GLDC: variants seen among roughly 807,000 people sequenced by gnomAD.
GLDC encodes glycine dehydrogenase (decarboxylating), mitochondrial.
In GLDC, 104 loss-of-function variants were observed where a neutral mutation model predicts 121.3. The ratio of observed to expected loss-of-function variants is 0.86; its 90% CI spans 0.73 to 1.01. GLDC has a LOEUF of 1.01. Ranked by LOEUF, GLDC falls within the 50% of genes least tolerant of loss-of-function variation. GLDC has a pLI of 0.00. For missense variants in GLDC, 1,429 were observed against 1,306.6 expected (o/e 1.09, Z -1.44); for synonymous variants, 546 against 480.6 (o/e 1.14, Z -1.78).
At chr9:6,604,331 A>G (rs1818686550) in intron 7 of GLDC, among the ~76,000 whole-genome samples, 1 of 152,206 alleles carries the variant, frequency 6.6e-6, no homozygotes, top group Non-Finnish European at 1.5e-5. Context: ...GCGTCCATCA[A>G]TCTAAGCAAA....
chr9:6,596,395 T>C (rs1191104667), intron 8 of GLDC, among the ~76,000 whole-genome samples: 2 of 152,020 alleles, frequency 1.3e-5, no homozygotes, highest in Non-Finnish European at 2.9e-5. Flanking sequence ...ACCAAAAAAA[T>C]TAAAATAGAG....
At chr9:6,546,705 T>C (rs1214626621) in intron 21 of GLDC, among the ~76,000 whole-genome samples, 1 of 151,926 alleles carries the variant, frequency 6.6e-6, no homozygotes, top group Admixed American at 6.6e-5. Context: ...CTCACGCCTG[T>C]AATCCCAGCA....
intron 7 of GLDC, 131 bp from the exon 8 acceptor site, chr9:6,602,336 G>C (rs1563855468): frequency 2.9e-6 from 2 of 684,594 alleles, no homozygotes; most frequent in African/African-American, 3.6e-5. Flanking sequence ...AATTTATAAA[G>C]AAACAATTTC....
chr9:6,634,094 T>G (rs1819449283), intron 2 of GLDC, among the ~76,000 whole-genome samples: 1 of 151,900 alleles, frequency 6.6e-6, no homozygotes, highest in Non-Finnish European at 1.5e-5. Context: ...CCTCCCAAAG[T>G]GCTGGGATTA....
chr9:6,578,692 AC>A (rs529575703), intron 15 of GLDC, among the ~76,000 whole-genome samples: 3 of 151,996 alleles, frequency 2.0e-5, no homozygotes, highest in Non-Finnish European at 4.4e-5. Flanking sequence ...GGTGCTTGCC[AC>A]CATGCTAGGC....
chr9:6,568,741 TG>T (rs1377306054), intron 15 of GLDC: 1 of 151,974 alleles, frequency 6.6e-6, no homozygotes, highest in African/African-American at 2.4e-5. Flanking sequence ...CCAGACTACT[TG>T]GGAGGCTGAA....
intron 18 of GLDC, among the ~76,000 whole-genome samples, chr9:6,555,728 G>A (rs936565607): frequency 6.6e-6 from 1 of 152,116 alleles, no homozygotes; most frequent in African/African-American, 2.4e-5. Context: ...GGAGGTGGAG[G>A]TTGCAGTGAG....
At chr9:6,542,885 CAAAAAAAAAAA>C (rs5896153) in intron 21 of GLDC, among the ~76,000 whole-genome samples, 1,515 of 61,540 alleles carry the variant, frequency 0.025, 38 homozygotes, top group South Asian at 0.15. Flanking sequence ...GACCTTTTCT[CAAAAAAAAAAA>C]AAAAAAAAAA....
chr9:6,633,821 C>CTTTTTTTTTTTTTTTT (rs1156711956), intron 2 of GLDC, among the ~76,000 whole-genome samples: 2 of 89,458 alleles, frequency 2.2e-5, no homozygotes, highest in African/African-American at 5.0e-5. Context: ...GCAGGAGAAT[C>CTTTTTTTTTTTTTTTT]TTTTTTTTTT....
chr9:6,606,559 T>C (rs1818737553), intron 5 of GLDC, 33 bp downstream of exon 5: 1 of 1,202,348 alleles, frequency 8.3e-7, no homozygotes, highest in Non-Finnish European at 1.2e-6. Flanking sequence ...CATGACATTA[T>C]ACTGAGTTTA....
intron 15 of GLDC, among the ~76,000 whole-genome samples, chr9:6,580,771 G>A (rs1278995135): frequency 2.0e-5 from 3 of 152,132 alleles, no homozygotes; most frequent in Admixed American, 6.5e-5. Flanking sequence ...GATCCTACCT[G>A]CCTATCAGTC....
In GLDC at chr9:6,610,320, A is replaced by G; in HGVS notation, c.507T>C (p.Ser169=). ...TGAGTAAACTCTCCAGCCTCCCCTGAGACACCTCAGGCTGGTATGGAGTAT... is the reference window on the plus strand; with the variant it reads ...TGAGTAAACTCTCCAGCCTCCCCTGGGACACCTCAGGCTGGTATGGAGTAT... ...TQYTPYQPEV[S]QGRLESLLNY... is the part of the protein sequence containing the mutation. The change falls in exon 4 of 25, where the codon TCT becomes TCC. Residue 169 remains serine, a synonymous_variant. Transcript: ENST00000321612. The G allele has an allele frequency of 6.2e-7, 1 of 1,613,958 alleles. No homozygotes were observed. The highest frequency in any genetic ancestry group is 8.5e-7 in the Non-Finnish European group (1 of 1,179,836).
rs779129201 is a variant in GLDC at position 6,536,101 on chromosome 9, T to C, written c.2801A>G (p.Glu934Gly). The C allele has an allele frequency of 1.2e-6, 2 of 1,613,972 alleles. No homozygotes were observed. Among genetic ancestry groups the C allele is most frequent in the African/African-American group, 2.7e-5 (2 of 74,926 alleles). Residue 934 changes from glutamate (E) to glycine (G), a missense_variant, in exon 23 of 25, where the codon GAG (glutamate) becomes GGG (glycine). Physicochemically the swap from Glu to Gly is moderately conservative, Grantham distance 98. Transcript: ENST00000321612. ...ISIRQEIADI[E>G]EGRIDPRVNP... is the part of the protein sequence containing the mutation. ...GACCCTGGGGTCGATGCGGCCCTCC[T>C]CAATGTCAGCAATTTCCTGCCGAAT...
At position 6,563,634 on chromosome 9, in the gene GLDC, G is replaced by A. The variant is rs117538488; in HGVS notation, c.1926+1720C>T. On this transcript the variant is annotated intron_variant, in intron 16 of 24. Transcript: ENST00000321612. ...TCTGTGAAAGTGCCGAGACTCTCAG[G>A]TCCCAAGAGCAATTATAGTTCTAAA... is the stretch of plus-strand genomic sequence containing the variant. 1.4e-3 allele frequency among the ~76,000 whole-genome samples: 207 copies of A among 152,270 alleles called. 7 individuals carry two copies. In the East Asian group the frequency reaches 0.035, roughly 25 times the overall value.
intron 7 of GLDC, among the ~76,000 whole-genome samples, chr9:6,602,715 T>C (rs1224834487): frequency 6.6e-6 from 1 of 152,044 alleles, no homozygotes; most frequent in African/African-American, 2.4e-5. Context: ...TCTAGGAATT[T>C]TGAAAGAAAA....
chr9:6,593,821 T>C (rs1030790128), intron 9 of GLDC, among the ~76,000 whole-genome samples: 1 of 151,698 alleles, frequency 6.6e-6, no homozygotes, highest in South Asian at 2.1e-4. Context: ...GCCTCCCGAG[T>C]AGCTGGGACT....
At chr9:6,593,121 CT>C in intron 9 of GLDC, 131 bp from the exon 10 acceptor site, 1 of 887,270 alleles carries the variant, frequency 1.1e-6, no homozygotes, top group Non-Finnish European at 1.8e-6. Flanking sequence ...TTGGTGATTG[CT>C]TTTTAAAAAA....
chr9:6,621,168 C>G (rs868666140), intron 2 of GLDC, among the ~76,000 whole-genome samples: 3 of 152,110 alleles, frequency 2.0e-5, no homozygotes, highest in Non-Finnish European at 4.4e-5. Flanking sequence ...AGACCCCCAT[C>G]TCAAACAAAA....
intron 10 of GLDC, 144 bp from the exon 11 acceptor site, chr9:6,592,367 G>T (rs560050508): frequency 8.6e-6 from 6 of 699,756 alleles, no homozygotes; most frequent in Non-Finnish European, 1.5e-5. Context: ...CCACGCTAAG[G>T]CTTAGAGGAA....
Sources: allele counts gnomAD v4.1 joint callset (sites outside exome capture counted in the v4.1 genomes callset), GRCh38; gene constraint gnomAD v4.1.1; transcripts MANE v1.5; gene names NCBI Gene and HGNC (gene_info 2026-07-23, HGNC 2026-07-21).